The following TYW1 variants were observed in gnomAD, a reference collection of about 807,000 sequenced individuals.
The protein encoded by TYW1 is S-adenosyl-L-methionine-dependent tRNA 4-demethylwyosine synthase TYW1.
Under a neutral mutation model 96.2 loss-of-function variants are expected in TYW1, and 46 were observed. That is an observed-to-expected ratio of 0.48 (90% CI 0.38 to 0.61). The LOEUF (loss-of-function observed/expected upper bound fraction) is 0.61, where lower values mean the gene tolerates loss of function less well. Among genes scored for constraint, TYW1 ranks in the 20% least tolerant of loss-of-function variants. The pLI is 0.00. For missense variants in TYW1, 684 were observed against 909.6 expected, an observed-to-expected ratio of 0.75 and a Z score of 3.19; for synonymous variants, 274 against 323.0, an observed-to-expected ratio of 0.85 and a Z score of 1.63.
chr7:67,140,403 T>G (rs79136114), intron 13 of TYW1, among the ~76,000 whole-genome samples: 39,020 of 151,536 alleles, frequency 0.26, 5,375 homozygotes, highest in African/African-American at 0.37. Context: ...TAAATACAAT[T>G]TTAAAAGAAA....
rs1795893704 is a variant in TYW1 at position 67,067,225 on chromosome 7, G to A, written c.1156-60G>A. On this transcript the variant is annotated intron_variant, in intron 9 of 15. Transcript: ENST00000359626. ...GGTTTCTCTTAAAAATGATGCCTTG[G>A]TGGTTTGTTTCTGTGCTTTGACAAT... 1.9e-6 allele frequency: 3 copies of A among 1,539,166 alleles called. No homozygotes were observed. The South Asian group carries it at 3.4e-5, about 17-fold the overall frequency.
chr7:67,200,332 C>T (rs10247355), intron 15 of TYW1, among the ~76,000 whole-genome samples: 23,229 of 151,862 alleles, frequency 0.15, 1,924 homozygotes, highest in African/African-American at 0.2. Flanking sequence ...AAGACATACC[C>T]GAGACTGGGT....
At position 67,153,128 on chromosome 7, in the gene TYW1, T is replaced by G. The variant is rs539591000; in HGVS notation, c.1699-29998T>G. Among the ~76,000 whole-genome samples the G allele has an allele frequency of 3.3e-5, 5 of 152,330 alleles. No individual in the cohort carries two copies. In the East Asian group the frequency reaches 9.6e-4, roughly 29 times the overall value. On this transcript the variant is annotated intron_variant, in intron 13 of 15. Coordinates refer to ENST00000359626, the MANE Select transcript of TYW1 (RefSeq NM_018264.4). Reference sequence around the variant, plus strand: ...TTTCTTGGGCTTTCTTCCTAATGATTAAGGTAATACATGCTGAATGCATGC... The same window carrying G: ...TTTCTTGGGCTTTCTTCCTAATGATGAAGGTAATACATGCTGAATGCATGC...
chr7:67,029,959 G>A (rs1794620889), intron 7 of TYW1, among the ~76,000 whole-genome samples: 1 of 152,112 alleles, frequency 6.6e-6, no homozygotes, highest in Non-Finnish European at 1.5e-5. Flanking sequence ...ATCAGAAACG[G>A]TCAAATGGAA....
rs542795691 is a variant in TYW1, at chr7:67,117,439, G to A, written c.1563-44G>A. 31 of 1,583,106 alleles carry A rather than the reference G, an allele frequency of 2.0e-5. No individual in the cohort carries two copies. In the South Asian group the frequency reaches 2.6e-4, roughly 13 times the overall value. The stretch of plus-strand genomic sequence containing the variant: ...GTTTTATATCATGGAAAGCCTGATA[G>A]AGGAATAATTTTTCTTTCTTCTTTT... On this transcript the variant is annotated intron_variant, in intron 12 of 15. Coordinates refer to ENST00000359626, the MANE Select transcript of TYW1 (RefSeq NM_018264.4).
At chr7:67,087,009 G>A (rs933405849) in intron 11 of TYW1, among the ~76,000 whole-genome samples, 3 of 152,084 alleles carry the variant, frequency 2.0e-5, no homozygotes, top group Non-Finnish European at 2.9e-5. Context: ...ACTGTGTCTC[G>A]GGCAGTTTGT....
chr7:67,024,818 A>T, intron 6 of TYW1, 82 bp from the exon 7 acceptor site: 2 of 1,553,084 alleles, frequency 1.3e-6, no homozygotes, highest in Admixed American at 2.2e-5. Context: ...AGACATAGTG[A>T]ATTCTCAGTG....
chr7:67,105,733 A>G (rs929322649), intron 12 of TYW1, among the ~76,000 whole-genome samples: 2 of 152,212 alleles, frequency 1.3e-5, no homozygotes, highest in African/African-American at 2.4e-5. Flanking sequence ...TTCCTAAAAA[A>G]GTGAAATAAT....
intron 12 of TYW1, among the ~76,000 whole-genome samples, chr7:67,104,839 G>A (rs1179440219): frequency 6.6e-6 from 1 of 152,208 alleles, no homozygotes; most frequent in Non-Finnish European, 1.5e-5. Context: ...TGATAGGAAG[G>A]TACTGATATA....
At chr7:67,067,205 C>T in intron 9 of TYW1, 80 bp from the exon 10 acceptor site, 1 of 1,447,192 alleles carries the variant, frequency 6.9e-7, no homozygotes, top group Non-Finnish European at 9.7e-7. Flanking sequence ...CACATGGTTT[C>T]TCTTAAAAAT....
Position 67,007,611 on chromosome 7 carries a change from A to T in TYW1, c.274-1972A>T, listed in dbSNP as rs1434525017. 2.0e-5 allele frequency among the ~76,000 whole-genome samples: 3 copies of T among 152,012 alleles called. No individual in the cohort carries two copies. The East Asian group carries it at 5.8e-4, about 29-fold the overall frequency. ...ATCAGTCCTTGAGGCCTGCTGCAGT[A>T]CTGTTTTCTGACCCCCAAATACCTT... On this transcript the variant is annotated intron_variant, in intron 3 of 15. Coordinates refer to ENST00000359626, the MANE Select transcript of TYW1 (RefSeq NM_018264.4).
intron 8 of TYW1, among the ~76,000 whole-genome samples, chr7:67,051,846 A>G (rs1372481732): frequency 6.6e-6 from 1 of 151,912 alleles, no homozygotes; most frequent in Non-Finnish European, 1.5e-5. Flanking sequence ...CGTATATCTG[A>G]AAATGGCTTT....
At chr7:67,195,800 T>C (rs866755224) in intron 15 of TYW1, among the ~76,000 whole-genome samples, 3 of 132,952 alleles carry the variant, frequency 2.3e-5, no homozygotes, top group South Asian at 2.4e-4. Context: ...TTTCCATTTT[T>C]CCCCTTTAGT....
At chr7:67,107,905 C>G (rs1797290383) in intron 12 of TYW1, among the ~76,000 whole-genome samples, 1 of 139,792 alleles carries the variant, frequency 7.2e-6, no homozygotes, top group Non-Finnish European at 1.5e-5. Flanking sequence ...AAGATAGAGT[C>G]TCATTCTGTC....
chr7:67,073,720 G>T (rs1277067541), intron 10 of TYW1, among the ~76,000 whole-genome samples: 1 of 128,586 alleles, frequency 7.8e-6, no homozygotes, highest in East Asian at 2.2e-4. Flanking sequence ...GTTGCAGTGA[G>T]CTATCATGCC....
At chr7:67,134,567 A>T (rs1798184813) in intron 13 of TYW1, among the ~76,000 whole-genome samples, 1 of 151,658 alleles carries the variant, frequency 6.6e-6, no homozygotes, top group Non-Finnish European at 1.5e-5. Flanking sequence ...AAATAAAAGG[A>T]TACCATATAT....
chr7:67,096,632 G>C (rs1248060127), intron 11 of TYW1, among the ~76,000 whole-genome samples: 1 of 150,740 alleles, frequency 6.6e-6, no homozygotes, highest in Non-Finnish European at 1.5e-5. Context: ...TTGTTACATA[G>C]GTAAACTTGT....
chr7:67,222,389 A>T (rs1364188017), intron 15 of TYW1, among the ~76,000 whole-genome samples: 1 of 152,146 alleles, frequency 6.6e-6, no homozygotes, highest in Admixed American at 6.5e-5. Flanking sequence ...GATCTAGTAG[A>T]TTGATGAACT....
At chr7:67,049,041 A>C (rs1239398801) in intron 7 of TYW1, among the ~76,000 whole-genome samples, 2 of 152,166 alleles carry the variant, frequency 1.3e-5, no homozygotes, top group African/African-American at 4.8e-5. Context: ...AGAAGGAACC[A>C]TTGGGATGGC....
Sources: gnomAD v4.1 joint callset for allele counts (sites outside exome capture counted in the v4.1 genomes callset) on GRCh38, gnomAD v4.1.1 for gene constraint, MANE v1.5 for transcripts, NCBI Gene and HGNC (gene_info 2026-07-23, HGNC 2026-07-21) for gene names.